The following ABI2 variants were observed in gnomAD, a reference collection of about 807,000 sequenced individuals.
ABI2 encodes the protein abl interactor 2, also known as abelson interactor 2.
ABI2 carries 25 observed loss-of-function variants against 59.2 expected under a neutral mutation model. That is an observed-to-expected ratio of 0.42 (90% confidence interval 0.31 to 0.59). The LOEUF is 0.59. Ranked by LOEUF, ABI2 falls within the 20% of genes least tolerant of loss-of-function variation. ABI2 has a pLI of 0.14. For missense variants in ABI2, 545 were observed against 681.8 expected, an observed-to-expected ratio of 0.80 and a Z score of 2.23; for synonymous variants, 213 against 235.5, an observed-to-expected ratio of 0.90 and a Z score of 0.87.
intron 1 of ABI2, among the ~76,000 whole-genome samples, chr2:203,363,276 C>G (rs1387964608): frequency 6.6e-6 from 1 of 152,168 alleles, no homozygotes; most frequent in East Asian, 1.9e-4. Flanking sequence ...TCCATCACCT[C>G]AAACATTTAC....
chr2:203,372,838 C>T (rs1394339928), intron 2 of ABI2, among the ~76,000 whole-genome samples: 2 of 151,068 alleles, frequency 1.3e-5, no homozygotes, highest in African/African-American at 2.4e-5. Flanking sequence ...GACGGGGTCG[C>T]GGCTGGGCGC....
intron 1 of ABI2, chr2:203,342,161 T>C (rs1280691660): frequency 2.2e-6 from 1 of 452,458 alleles, no homozygotes. Flanking sequence ...TTTATTTTAT[T>C]ATATGTTTTT....
chr2:203,378,257 C>T (rs1209831121), intron 2 of ABI2, among the ~76,000 whole-genome samples: 1 of 151,976 alleles, frequency 6.6e-6, no homozygotes, highest in Non-Finnish European at 1.5e-5. Context: ...GGACTACAGG[C>T]ACCCGCCACC....
chr2:203,367,216 C>T (rs1015023861), intron 2 of ABI2, 172 bp downstream of exon 2: 3 of 870,218 alleles, frequency 3.4e-6, no homozygotes, highest in African/African-American at 1.7e-5. Flanking sequence ...GGATGGTTAT[C>T]TTCTCTGTGA....
chr2:203,351,364 C>G (rs2088239974), intron 1 of ABI2, among the ~76,000 whole-genome samples: 1 of 152,084 alleles, frequency 6.6e-6, no homozygotes, highest in Non-Finnish European at 1.5e-5. Context: ...TTGTTAATTT[C>G]TGCCACAAAG....
chr2:203,338,920 GTGTGTGTGTATA>G (rs1559153054), intron 1 of ABI2, among the ~76,000 whole-genome samples: 100 of 37,682 alleles, frequency 2.7e-3, no homozygotes, highest in African/African-American at 8.0e-3. Context: ...GTGTGTGTGT[GTGTGTGTGTATA>G]TGTATATATA....
At chr2:203,390,970 A>T in intron 4 of ABI2, 76 bp from the exon 5 acceptor site, 1 of 1,082,710 alleles carries the variant, frequency 9.2e-7, no homozygotes, top group Non-Finnish European at 1.4e-6. Context: ...TTTGTTATGT[A>T]GTGTAGCATA....
rs926356837 is a variant in ABI2, at chr2:203,375,653, A to G, written c.286-4555A>G. Among the ~76,000 whole-genome samples, 21 of 152,348 alleles carry G rather than the reference A, an allele frequency of 1.4e-4. 1 individual carries two copies. Among genetic ancestry groups the G allele is most frequent in the African/African-American group, 5.1e-4 (21 of 41,580 alleles). On this transcript the variant is annotated intron_variant, in intron 2 of 11. Transcript: ENST00000261018. Reference sequence around the variant, plus strand: ...AGGAGCTTTCCTAAATTTCTTTTACAACTGACAATTGTCTACGAATTTATG... The same window carrying G: ...AGGAGCTTTCCTAAATTTCTTTTACGACTGACAATTGTCTACGAATTTATG...
At chr2:203,345,224 A>G (rs1205860030) in intron 1 of ABI2, among the ~76,000 whole-genome samples, 2 of 152,162 alleles carry the variant, frequency 1.3e-5, no homozygotes, top group Non-Finnish European at 2.9e-5. Flanking sequence ...ATCGGGAGGA[A>G]CAAATAACTC....
intron 2 of ABI2, 115 bp from the exon 3 acceptor site, chr2:203,380,093 C>A: frequency 1.6e-6 from 1 of 638,914 alleles, no homozygotes; most frequent in Non-Finnish European, 2.4e-6. Flanking sequence ...AAAAATTTAG[C>A]AAGCATAGTT....
chr2:203,388,086 CATTT>C (rs1176024038), intron 4 of ABI2, among the ~76,000 whole-genome samples: 11 of 151,982 alleles, frequency 7.2e-5, no homozygotes, highest in Non-Finnish European at 1.5e-5. Context: ...TTTTGTTTGG[CATTT>C]ATTTCTGTTC....
chr2:203,363,124 C>T (rs930968448), intron 1 of ABI2, among the ~76,000 whole-genome samples: 18 of 147,036 alleles, frequency 1.2e-4, no homozygotes, highest in African/African-American at 4.6e-4. Context: ...GCCCAGTGCA[C>T]CTGGCAGTAT....
intron 5 of ABI2, 134 bp downstream of exon 5, chr2:203,391,277 A>G: frequency 1.8e-6 from 1 of 543,312 alleles, no homozygotes; most frequent in Non-Finnish European, 3.0e-6. Context: ...TGTGTGTATA[A>G]CTTCCTCTTC....
At chr2:203,364,237 G>T (rs1284686955) in intron 1 of ABI2, among the ~76,000 whole-genome samples, 2 of 151,526 alleles carry the variant, frequency 1.3e-5, no homozygotes, top group African/African-American at 2.4e-5. Flanking sequence ...GGGATTACAG[G>T]CATCTGTCAC....
At chr2:203,395,911 A>G (rs1026425737) in intron 7 of ABI2, 131 bp downstream of exon 7, 70 of 1,089,060 alleles carry the variant, frequency 6.4e-5, no homozygotes, top group South Asian at 1.0e-4. Flanking sequence ...TGGGAAGTCT[A>G]TATATTTGTT....
At chr2:203,333,078 A>T (rs1007397187) in intron 1 of ABI2, among the ~76,000 whole-genome samples, 5 of 152,182 alleles carry the variant, frequency 3.3e-5, no homozygotes, top group Non-Finnish European at 5.9e-5. Context: ...TAAAAACTTC[A>T]TGAGAGGTTT....
chr2:203,386,859 T>A (rs1247574353), intron 4 of ABI2, among the ~76,000 whole-genome samples: 1 of 151,842 alleles, frequency 6.6e-6, no homozygotes, highest in African/African-American at 2.4e-5. Flanking sequence ...GGCTGGTCTC[T>A]GAACTCCTGG....
rs975226242 is a variant in ABI2 at position 203,343,190 on chromosome 2, C to T, written c.117+14559C>T. ...ACCAGCCTGGCCAACATGGTGAAAC[C>T]TTGTCTCTACTAAAAATACAAAAAT... On this transcript the variant is annotated intron_variant, in intron 1 of 11. Coordinates refer to ENST00000261018, the MANE Select transcript of ABI2 (RefSeq NM_001375670.1). 4.6e-5 allele frequency among the ~76,000 whole-genome samples: 7 copies of T among 152,162 alleles called. No individual in the cohort carries two copies. The South Asian group carries it at 1.5e-3, about 32-fold the overall frequency.
At chr2:203,355,191 C>G (rs1232966191) in intron 1 of ABI2, 1 of 410,468 alleles carries the variant, frequency 2.4e-6, no homozygotes, top group South Asian at 1.8e-5. Flanking sequence ...CTGGTGCTTC[C>G]TGACAAAGAA....
Sources: allele counts gnomAD v4.1 joint callset (sites outside exome capture counted in the v4.1 genomes callset), GRCh38; gene constraint gnomAD v4.1.1; transcripts MANE v1.5; gene names NCBI Gene and HGNC (gene_info 2026-07-23, HGNC 2026-07-21).